Variants in CCT4 observed in about 807,000 individuals in gnomAD.
CCT4 encodes the protein T-complex protein 1 subunit delta.
Under a neutral mutation model 62.5 loss-of-function variants are expected in CCT4, and 17 were observed. That is an observed-to-expected ratio of 0.27 (90% confidence interval 0.19 to 0.41). The LOEUF (loss-of-function observed/expected upper bound fraction) is 0.41. CCT4 is among the 10% of genes least tolerant of loss of function. The probability of loss-of-function intolerance (pLI) is 1.00; values close to 1 mark genes in which losing one functional copy is unlikely to be tolerated. For synonymous variants in CCT4, 250 were observed against 229.9 expected, an observed-to-expected ratio of 1.09 and a Z score of -0.79; for missense variants, 592 against 659.2, an observed-to-expected ratio of 0.90 and a Z score of 1.12.
At chr2:61,873,342 TG>T in intron 8 of CCT4, 49 bp from the exon 9 acceptor site, 1 of 999,434 alleles carries the variant, frequency 1.0e-6, no homozygotes, top group Middle Eastern at 3.1e-4. Flanking sequence ...AAAAAAATTT[TG>T]CTCTTCAAAT....
Position 61,880,271 on chromosome 2 carries a change from G to A in CCT4, c.379+15C>T, listed in dbSNP as rs371903973. 6.4e-6 allele frequency: 9 copies of A among 1,400,520 alleles called. No homozygotes were observed. The highest frequency in any genetic ancestry group is 8.8e-6 in the Non-Finnish European group (9 of 1,017,386). 86.8% of individuals were successfully genotyped at this position (1,400,520 alleles called of 1,614,324 possible). On this transcript the variant is annotated intron_variant, in intron 4 of 13. Coordinates refer to ENST00000394440, the MANE Select transcript of CCT4 (RefSeq NM_006430.4). ...AAACTTTTCTTTATTCAGTAATAAAGTACATCCTACCCACCTTTCTGAAGA... is the reference window on the plus strand; with the variant it reads ...AAACTTTTCTTTATTCAGTAATAAAATACATCCTACCCACCTTTCTGAAGA...
chr2:61,875,769 C>CT (rs1179056266), intron 8 of CCT4, among the ~76,000 whole-genome samples: 13 of 151,896 alleles, frequency 8.6e-5, no homozygotes, highest in Non-Finnish European at 1.8e-4. Context: ...AAAAAACCTA[C>CT]TTTTTTTTGT....
chr2:61,876,852 A>C, intron 7 of CCT4, 68 bp downstream of exon 7: 1 of 1,339,316 alleles, frequency 7.5e-7, no homozygotes, highest in Non-Finnish European at 1.0e-6. Flanking sequence ...TTCTATTTTT[A>C]ATAAAGAAAT....
chr2:61,877,495 C>G lies in CCT4; in HGVS notation c.542G>C (p.Ser181Thr), dbSNP rs757880380. 1.3e-6 allele frequency: 2 copies of G among 1,584,828 alleles called. No individual in the cohort carries two copies. Among genetic ancestry groups the G allele is most frequent in the African/African-American group, 2.7e-5 (2 of 72,890 alleles). The stretch of plus-strand genomic sequence containing the variant: ...ATTTACACTCATTGGAGAAAGCAGA[C>G]TTGAATACTGAGAAACCACCTAGAA... ...LNSKVVSQYS[S>T]LLSPMSVNAV... Residue 181 changes from serine to threonine, a missense_variant, in exon 6 of 14, where the codon AGT becomes ACT. Ser to Thr is a moderately conservative substitution (Grantham distance 58). Around this residue, in one of 3 missense-constraint regions of CCT4, gnomAD observed 522 missense variants for 571.2 expected, o/e 0.91. Coordinates refer to ENST00000394440, the MANE Select transcript of CCT4 (RefSeq NM_006430.4).
rs974641474 is a variant in CCT4, at chr2:61,888,573, A to T, written c.-66T>A. 3.2e-6 allele frequency: 5 copies of T among 1,569,162 alleles called. No individual in the cohort carries two copies. The highest frequency in any genetic ancestry group is 4.3e-6 in the Non-Finnish European group (5 of 1,158,320). ...ATGGACCCGGATTCTGGCCGGCCGCAGTGTAATAACGGTAAGCCCTCACTG... is the reference window on the plus strand; with the variant it reads ...ATGGACCCGGATTCTGGCCGGCCGCTGTGTAATAACGGTAAGCCCTCACTG... On this transcript the variant is annotated 5_prime_UTR_variant, in exon 1 of 14. Transcript: ENST00000394440.
intron 8 of CCT4, among the ~76,000 whole-genome samples, chr2:61,875,619 T>TA (rs372493906): frequency 1.7e-4 from 26 of 151,696 alleles, no homozygotes; most frequent in African/African-American, 5.3e-4. Flanking sequence ...AAATTGCTAT[T>TA]AGAAGTGTGG....
At chr2:61,880,244 T>C (rs772607567) in intron 4 of CCT4, 42 bp downstream of exon 4, 2 of 1,117,984 alleles carry the variant, frequency 1.8e-6, no homozygotes, top group African/African-American at 1.6e-5. Context: ...AGTTTGTTTT[T>C]TAAACTTTTC....
chr2:61,888,574 G>A lies in CCT4; in HGVS notation c.-67C>T. The A allele has an allele frequency of 3.2e-6, 5 of 1,563,592 alleles. No individual in the cohort carries two copies. The highest frequency in any genetic ancestry group is 4.3e-6 in the Non-Finnish European group (5 of 1,154,736). ...TGGACCCGGATTCTGGCCGGCCGCA[G>A]TGTAATAACGGTAAGCCCTCACTGC... is the stretch of plus-strand genomic sequence containing the variant. On this transcript the variant is annotated 5_prime_UTR_variant, in exon 1 of 14. Transcript: ENST00000394440.
At chr2:61,883,603 A>G in intron 2 of CCT4, 55 bp from the exon 3 acceptor site, 2 of 841,252 alleles carry the variant, frequency 2.4e-6, no homozygotes, top group Non-Finnish European at 3.8e-6. Context: ...TAGTTTTATT[A>G]AACTTTTACA....
intron 12 of CCT4, among the ~76,000 whole-genome samples, chr2:61,870,138 G>A (rs917147366): frequency 2.0e-5 from 3 of 151,560 alleles, no homozygotes; most frequent in African/African-American, 7.3e-5. Flanking sequence ...TTAGCCAGGC[G>A]TGGTGGCATG....
chr2:61,869,302 C>CT (rs1290997393), intron 13 of CCT4, 138 bp downstream of exon 13: 1 of 610,342 alleles, frequency 1.6e-6, no homozygotes, highest in African/African-American at 1.9e-5. Flanking sequence ...TGCTACTGTG[C>CT]TCCAGCCTGG....
intron 5 of CCT4, among the ~76,000 whole-genome samples, chr2:61,877,792 A>T (rs1017481826): frequency 6.6e-6 from 1 of 152,206 alleles, no homozygotes; most frequent in African/African-American, 2.4e-5. Flanking sequence ...TCCAAAAAGC[A>T]TAAATTTAAT....
intron 1 of CCT4, among the ~76,000 whole-genome samples, chr2:61,886,867 C>G (rs1329416680): frequency 6.6e-6 from 1 of 152,064 alleles, no homozygotes; most frequent in Non-Finnish European, 1.5e-5. Flanking sequence ...TCAAGCTATT[C>G]CCCTGCCTCA....
rs1275866202 is a variant in CCT4, at chr2:61,878,876, T to C, written c.515A>G (p.Asn172Ser). ...CGTTAGTGTTTGTCTCACCTTTGAGTTCAGTGAAGTGGTTGCACTATTTAA... is the reference window on the plus strand; with the variant it reads ...CGTTAGTGTTTGTCTCACCTTTGAGCTCAGTGAAGTGGTTGCACTATTTAA... ...TLLNSATTSL[N>S]SKVVSQYSSL... Residue 172 changes from asparagine to serine, a missense_variant, in exon 5 of 14, where the codon AAC becomes AGC. Transcript: ENST00000394440. The C allele has an allele frequency of 1.2e-6, 2 of 1,605,936 alleles. No individual in the cohort carries two copies. Among genetic ancestry groups the C allele is most frequent in the Non-Finnish European group, 1.7e-6 (2 of 1,176,514 alleles).
intron 8 of CCT4, among the ~76,000 whole-genome samples, chr2:61,873,880 T>TTA (rs1668940727): frequency 1.3e-5 from 2 of 151,776 alleles, no homozygotes; most frequent in African/African-American, 4.8e-5. Context: ...TATTTATTTT[T>TTA]AATAGAGACA....
chr2:61,884,147 T>C (rs1371110507), intron 2 of CCT4, among the ~76,000 whole-genome samples: 2 of 152,208 alleles, frequency 1.3e-5, no homozygotes, highest in African/African-American at 4.8e-5. Flanking sequence ...AACACCTGGA[T>C]TTATAATAGT....
At chr2:61,880,144 C>G in intron 4 of CCT4, 142 bp downstream of exon 4, 2 of 482,142 alleles carry the variant, frequency 4.1e-6, no homozygotes, top group Non-Finnish European at 7.2e-6. Flanking sequence ...ATAGCAAAAT[C>G]TAACTTTAAA....
At chr2:61,879,211 AG>A (rs1669061061) in intron 4 of CCT4, among the ~76,000 whole-genome samples, 200 bp from the exon 5 acceptor site, 1 of 151,492 alleles carries the variant, frequency 6.6e-6, no homozygotes, top group Non-Finnish European at 1.5e-5. Context: ...AACTTAAAAC[AG>A]ATTACACACT....
intron 12 of CCT4, 95 bp from the exon 13 acceptor site, chr2:61,869,648 G>A (rs1668843198): frequency 2.8e-6 from 2 of 709,898 alleles, no homozygotes; most frequent in Non-Finnish European, 5.2e-6. Flanking sequence ...CCTAAATCTA[G>A]TTTTCTTTCT....
Sources: allele counts gnomAD v4.1 joint callset (sites outside exome capture counted in the v4.1 genomes callset), GRCh38; gene constraint gnomAD v4.1.1; regional missense constraint gnomAD v4.1.1; transcripts MANE v1.5; gene names NCBI Gene and HGNC (gene_info 2026-07-23, HGNC 2026-07-21).